The following C10orf67 variants were observed in gnomAD, a reference collection of about 807,000 sequenced individuals.
C10orf67 encodes uncharacterized protein C10orf67, mitochondrial.
C10orf67 carries 60 observed loss-of-function variants against 35.6 expected under a neutral mutation model. The observed-to-expected ratio is 1.68, with a 90% confidence interval of 1.37 to 2.09. The LOEUF (loss-of-function observed/expected upper bound fraction) is 2.09, where lower values mean the gene tolerates loss of function less well. Among genes scored for constraint, C10orf67 ranks in the 30% most tolerant of loss-of-function variants. The pLI is 0.00. For missense variants in C10orf67, 474 were observed against 330.2 expected (o/e 1.44, Z -3.38); for synonymous variants, 167 against 115.8 (o/e 1.44, Z -2.84).
In C10orf67 at chr10:23,318,684, C is replaced by T. The variant is rs542667129; in HGVS notation, c.546+2057G>A. On this transcript the variant is annotated intron_variant, in intron 4 of 15. Transcript: ENST00000636213. ...CAGTTTGGCACAGAGTCACAGAGAT[C>T]GTTAGCAGAGCAATCTGTCCTGGGA... 8 of 529,588 alleles carry T rather than the reference C, an allele frequency of 1.5e-5. No individual in the cohort carries two copies. In the South Asian group the frequency reaches 1.6e-4, roughly 11 times the overall value. The allele number at this position is 529,588 out of a possible 1,614,324, so 32.8% of individuals were successfully genotyped here. A position where few individuals can be genotyped will look rare whatever the true frequency, so the allele number is the denominator to read the frequency against.
rs1042306357 is a variant in C10orf67 at position 23,289,921 on chromosome 10, C to A, written c.888G>T (p.Lys296Asn). 1.2e-4 allele frequency: 83 copies of A among 716,810 alleles called. No individual in the cohort carries two copies. The Admixed American group carries it at 1.6e-3, about 14-fold the overall frequency. The allele number at this position is 716,810 out of a possible 1,614,324, so 44.4% of individuals were successfully genotyped here. ...ELISMKEMAE[K>N]DHKTIQKLMD... Reference sequence around the variant, plus strand: ...GTACCTTTTGAATAGTTTTGTGATCCTTTTCTGCCATCTCTTTCATACTTA... The same window carrying A: ...GTACCTTTTGAATAGTTTTGTGATCATTTTCTGCCATCTCTTTCATACTTA... The change falls in exon 7 of 16, where the codon AAG (lysine) becomes AAT (asparagine). Residue 296 changes from lysine to asparagine, a missense_variant. Coordinates refer to ENST00000636213, the MANE Select transcript of C10orf67 (RefSeq NM_001371909.1).
intron 1 of C10orf67, among the ~76,000 whole-genome samples, chr10:23,336,595 A>G (rs966615633): frequency 3.3e-5 from 5 of 152,224 alleles, no homozygotes; most frequent in African/African-American, 7.2e-5. Flanking sequence ...GCTCACTGCA[A>G]TCTCTGCCTC....
chr10:23,248,353 A>G (rs1337510097), intron 12 of C10orf67, among the ~76,000 whole-genome samples: 1 of 152,204 alleles, frequency 6.6e-6, no homozygotes, highest in African/African-American at 2.4e-5. Context: ...TGACATAGGC[A>G]GTCGCATCAG....
chr10:23,306,434 G>A (rs1231115236), intron 4 of C10orf67, among the ~76,000 whole-genome samples: 4 of 150,350 alleles, frequency 2.7e-5, no homozygotes. Context: ...TGAGGCAGGA[G>A]AATCACTTGA....
intron 12 of C10orf67, among the ~76,000 whole-genome samples, chr10:23,249,459 G>A (rs1478951904): frequency 6.6e-6 from 1 of 152,122 alleles, no homozygotes; most frequent in African/African-American, 2.4e-5. Context: ...GCACATACAC[G>A]AAACACGGGT....
At chr10:23,328,839 G>A (rs1156585224) in intron 2 of C10orf67, among the ~76,000 whole-genome samples, 1 of 151,346 alleles carries the variant, frequency 6.6e-6, no homozygotes, top group East Asian at 1.9e-4. Flanking sequence ...GTAAAAATTA[G>A]CCAGGTGTGG....
intron 7 of C10orf67, among the ~76,000 whole-genome samples, chr10:23,286,883 CT>C (rs1843557497): frequency 6.6e-6 from 1 of 152,168 alleles, no homozygotes; most frequent in South Asian, 2.1e-4. Context: ...TCTCCCACCT[CT>C]GACCAATCAG....
At chr10:23,288,088 A>T (rs2132253132) in intron 7 of C10orf67, among the ~76,000 whole-genome samples, 1 of 152,342 alleles carries the variant, frequency 6.6e-6, no homozygotes, top group African/African-American at 2.4e-5. Flanking sequence ...AGAACCAGAA[A>T]TACCATTTGA....
chr10:23,311,297 G>A (rs891487678), intron 4 of C10orf67, among the ~76,000 whole-genome samples: 15 of 152,136 alleles, frequency 9.9e-5, no homozygotes, highest in Admixed American at 6.5e-4. Flanking sequence ...GTCCTTCATC[G>A]AGAGGTTCTT....
intron 4 of C10orf67, among the ~76,000 whole-genome samples, chr10:23,307,795 T>A (rs1844344846): frequency 6.6e-6 from 1 of 152,048 alleles, no homozygotes; most frequent in African/African-American, 2.4e-5. Flanking sequence ...ATGTGTAATT[T>A]TTTTGCAGAG....
At chr10:23,336,067 C>CT (rs1439601446) in intron 1 of C10orf67, among the ~76,000 whole-genome samples, 2 of 152,102 alleles carry the variant, frequency 1.3e-5, no homozygotes, top group Non-Finnish European at 2.9e-5. Flanking sequence ...AGCCTGGTGG[C>CT]TAAGAATGTG....
At position 23,329,233 on chromosome 10, in the gene C10orf67, C is replaced by A. The variant is rs150167208; in HGVS notation, c.327+3829G>T. 2.1e-3 allele frequency among the ~76,000 whole-genome samples: 311 copies of A among 151,542 alleles called. 1 individual carries two copies. The highest frequency in any genetic ancestry group is 7.0e-3 in the African/African-American group (290 of 41,388). On this transcript the variant is annotated intron_variant, in intron 2 of 15. Transcript: ENST00000636213. ...GAGGAGATATGCAGACAATATCAGA[C>A]AACATTAAACATTTAAAAAGGAATA... is the stretch of plus-strand genomic sequence containing the variant.
intron 13 of C10orf67, among the ~76,000 whole-genome samples, chr10:23,237,796 G>T (rs1200767118): frequency 6.6e-6 from 1 of 152,172 alleles, no homozygotes; most frequent in Non-Finnish European, 1.5e-5. Context: ...GCAATGTATT[G>T]TCTGCAAAGG....
chr10:23,306,297 G>A (rs990579301), intron 4 of C10orf67, among the ~76,000 whole-genome samples: 9 of 152,056 alleles, frequency 5.9e-5, no homozygotes, highest in Non-Finnish European at 7.4e-5. Context: ...AGCCCTAGGC[G>A]GGCAAATCAT....
intron 1 of C10orf67, chr10:23,344,278 G>T (rs1339567390): frequency 2.2e-6 from 1 of 448,028 alleles, no homozygotes; most frequent in Non-Finnish European, 4.0e-6. Context: ...AAGGAAGAGG[G>T]GGAAGGAGTG....
chr10:23,274,709 A>G (rs1366870872), intron 8 of C10orf67, among the ~76,000 whole-genome samples: 1 of 152,070 alleles, frequency 6.6e-6, no homozygotes, highest in Non-Finnish European at 1.5e-5. Flanking sequence ...AGTTAACGCA[A>G]TCATCACAGG....
intron 1 of C10orf67, chr10:23,344,036 C>T (rs541095910): frequency 2.9e-5 from 11 of 380,158 alleles, no homozygotes; most frequent in South Asian, 1.9e-4. Context: ...CGGAGCCGCT[C>T]GCTCTCCTGA....
At chr10:23,317,981 A>T (rs1390421810) in intron 4 of C10orf67, 1 of 151,284 alleles carries the variant, frequency 6.6e-6, no homozygotes, top group Non-Finnish European at 1.5e-5. Context: ...ACATGCCTGT[A>T]GTCCCAGCTA....
At chr10:23,302,147 C>T (rs1311602483) in intron 5 of C10orf67, among the ~76,000 whole-genome samples, 1 of 151,772 alleles carries the variant, frequency 6.6e-6, no homozygotes, top group Non-Finnish European at 1.5e-5. Flanking sequence ...GGGAGAGGAC[C>T]CAAAGAGGGT....
Sources: gnomAD v4.1 joint callset for allele counts (sites outside exome capture counted in the v4.1 genomes callset) on GRCh38, gnomAD v4.1.1 for gene constraint, MANE v1.5 for transcripts, NCBI Gene and HGNC (gene_info 2026-07-23, HGNC 2026-07-21) for gene names.